Variants in SGPL1 observed in about 807,000 individuals in gnomAD.
SGPL1 encodes the protein SP-lyase 1.
A neutral mutation model predicts 68.9 loss-of-function variants in SGPL1; 37 were observed. The observed-to-expected ratio is 0.54, with a 90% confidence interval of 0.41 to 0.71. The LOEUF (loss-of-function observed/expected upper bound fraction) is 0.71, where lower values mean the gene tolerates loss of function less well. Among genes scored for constraint, SGPL1 ranks in the 30% least tolerant of loss-of-function variants. The pLI, the probability that SGPL1 is intolerant of heterozygous loss-of-function variation, is 0.00. For missense variants in SGPL1, 551 were observed against 704.6 expected (o/e 0.78, Z 2.47); for synonymous variants, 236 against 248.5 (o/e 0.95, Z 0.47).
At chr10:70,852,860 C>T (rs1287455101) in intron 4 of SGPL1, among the ~76,000 whole-genome samples, 2 of 152,196 alleles carry the variant, frequency 1.3e-5, no homozygotes, top group African/African-American at 2.4e-5. Context: ...TCCTTCCTCT[C>T]ATGGAACTTA....
chr10:70,822,166 G>A (rs780379597), intron 2 of SGPL1, among the ~76,000 whole-genome samples: 8 of 152,122 alleles, frequency 5.3e-5, no homozygotes, highest in South Asian at 4.1e-4. Context: ...CTTGTGTCTT[G>A]TTTGTAGGAT....
chr10:70,835,197 A>G (rs1227509650), intron 2 of SGPL1, among the ~76,000 whole-genome samples: 1 of 152,208 alleles, frequency 6.6e-6, no homozygotes, highest in African/African-American at 2.4e-5. Flanking sequence ...TGTGTTGAAG[A>G]TGCTGTTTTA....
intron 7 of SGPL1, among the ~76,000 whole-genome samples, chr10:70,861,762 G>A (rs897291492): frequency 8.5e-5 from 13 of 152,210 alleles, no homozygotes; most frequent in Admixed American, 1.3e-4. Flanking sequence ...TGCCGGCCCC[G>A]GGCAATGAGG....
At chr10:70,827,534 A>G (rs971731332) in intron 2 of SGPL1, among the ~76,000 whole-genome samples, 3 of 152,222 alleles carry the variant, frequency 2.0e-5, no homozygotes, top group Non-Finnish European at 4.4e-5. Context: ...CTTCAAATGT[A>G]TGATAAATGA....
rs977803790 is a variant in SGPL1 at position 70,879,798 on chromosome 10, G to C, written c.*2463G>C. 2 of 152,602 alleles carry C rather than the reference G, an allele frequency of 1.3e-5. No individual in the cohort carries two copies. The highest frequency in any genetic ancestry group is 4.8e-5 in the African/African-American group (2 of 41,432). The allele number at this position is 152,602 out of a possible 1,614,324, so 9.5% of individuals were successfully genotyped here. A position where few individuals can be genotyped will look rare whatever the true frequency, so the allele number is the denominator to read the frequency against. On this transcript the variant is annotated 3_prime_UTR_variant, in exon 15 of 15. Transcript: ENST00000373202. ...TGTAGGCTTTTCATTGTGTATTTTT[G>C]TGTATGTGTGCATATAGCAGCTACT...
intron 7 of SGPL1, among the ~76,000 whole-genome samples, chr10:70,862,789 G>A (rs1266424871): frequency 1.3e-5 from 2 of 152,064 alleles, no homozygotes; most frequent in Non-Finnish European, 2.9e-5. Flanking sequence ...GGACACATCC[G>A]AACATCAGAA....
At chr10:70,861,821 T>C (rs555308518) in intron 7 of SGPL1, among the ~76,000 whole-genome samples, 1 of 152,162 alleles carries the variant, frequency 6.6e-6, no homozygotes, top group Non-Finnish European at 1.5e-5. Flanking sequence ...GGTCCCCCAG[T>C]AGTGCCGGCC....
At chr10:70,835,893 G>T (rs1410545675) in intron 2 of SGPL1, among the ~76,000 whole-genome samples, 1 of 152,118 alleles carries the variant, frequency 6.6e-6, no homozygotes, top group Non-Finnish European at 1.5e-5. Flanking sequence ...ACATTTCCTT[G>T]AGTGAATAAC....
chr10:70,840,184 A>C (rs1203385296), intron 2 of SGPL1, among the ~76,000 whole-genome samples: 1 of 152,158 alleles, frequency 6.6e-6, no homozygotes, highest in Non-Finnish European at 1.5e-5. Flanking sequence ...CTGAAAATCA[A>C]GATTTGAAAG....
chr10:70,859,574 T>G, intron 7 of SGPL1, 75 bp downstream of exon 7: 1 of 739,884 alleles, frequency 1.4e-6, no homozygotes, highest in East Asian at 7.2e-5. Context: ...AAATATTAAT[T>G]ATATTTTAAA....
chr10:70,861,284 A>G (rs1846048853), intron 7 of SGPL1, among the ~76,000 whole-genome samples: 1 of 152,192 alleles, frequency 6.6e-6, no homozygotes, highest in Admixed American at 6.5e-5. Context: ...AAAGGATAGG[A>G]TGAGAAGGCT....
At chr10:70,875,686 T>C (rs1247529281) in intron 13 of SGPL1, 138 bp downstream of exon 13, 2 of 601,100 alleles carry the variant, frequency 3.3e-6, no homozygotes, top group Non-Finnish European at 5.7e-6. Flanking sequence ...AAAGGATTTC[T>C]CTCTTGCCAC....
Position 70,873,560 on chromosome 10 carries a change from C to T in SGPL1, c.1269C>T (p.Ile423=), listed in dbSNP as rs1846332518. ...GCTATGTTGAAGCTACCAAACAGAT[C>T]ATCAAAACTGCTCGCTTCCTCAAGT... ...ENGYVEATKQ[I]IKTARFLKSE... The change falls in exon 12 of 15, where the codon ATC becomes ATT. Residue 423 remains isoleucine, a synonymous_variant. Coordinates refer to ENST00000373202, the MANE Select transcript of SGPL1 (RefSeq NM_003901.4). The T allele has an allele frequency of 3.1e-6, 5 of 1,613,900 alleles. No individual in the cohort carries two copies. The highest frequency in any genetic ancestry group is 4.2e-6 in the Non-Finnish European group (5 of 1,179,706).
At chr10:70,871,769 A>G in intron 10 of SGPL1, 68 bp from the exon 11 acceptor site, 2 of 1,467,476 alleles carry the variant, frequency 1.4e-6, no homozygotes, top group South Asian at 1.3e-5. Context: ...CTTTCCACCC[A>G]TGTCTTGCAG....
chr10:70,862,268 G>A (rs866649117), intron 7 of SGPL1, among the ~76,000 whole-genome samples: 2 of 151,912 alleles, frequency 1.3e-5, no homozygotes, highest in African/African-American at 2.4e-5. Flanking sequence ...TGCACCAATC[G>A]ACACTCTGTA....
chr10:70,825,818 A>C (rs188819847), intron 2 of SGPL1, among the ~76,000 whole-genome samples: 2 of 152,364 alleles, frequency 1.3e-5, no homozygotes, highest in Admixed American at 1.3e-4. Context: ...AGCTAGAATT[A>C]GGTTTGAGTG....
intron 2 of SGPL1, chr10:70,820,546 G>A (rs535117062): frequency 3.9e-5 from 6 of 152,122 alleles, no homozygotes; most frequent in African/African-American, 7.2e-5. Context: ...AGGCTCAGGC[G>A]GGCAGAGTAC....
chr10:70,875,505 A>G lies in SGPL1; in HGVS notation c.1402A>G (p.Thr468Ala). 6.2e-7 allele frequency: 1 copy of G among 1,613,432 alleles called. No individual in the cohort carries two copies. The highest frequency in any genetic ancestry group is 8.5e-7 in the Non-Finnish European group (1 of 1,179,484). The stretch of plus-strand genomic sequence containing the variant: ...CATCTACCGACTATCAAACCTGATG[A>G]CTGCTAAGGGGTGGAACTTGAACCA... ...FDIYRLSNLM[T>A]AKGWNLNQLQ... Residue 468 changes from threonine to alanine, a missense_variant, in exon 13 of 15, where the codon ACT becomes GCT. Physicochemically the swap from Thr to Ala is moderately conservative, Grantham distance 58. Transcript: ENST00000373202.
chr10:70,850,401 A>G (rs1845860860), intron 3 of SGPL1, among the ~76,000 whole-genome samples: 1 of 152,176 alleles, frequency 6.6e-6, no homozygotes, highest in African/African-American at 2.4e-5. Context: ...TCCAAGAAAA[A>G]CAAAACTAAA....
Sources: gnomAD v4.1 joint callset for allele counts (sites outside exome capture counted in the v4.1 genomes callset) on GRCh38, gnomAD v4.1.1 for gene constraint, MANE v1.5 for transcripts, NCBI Gene and HGNC (gene_info 2026-07-23, HGNC 2026-07-21) for gene names.